The following ZNF276 variants were observed in gnomAD, a reference collection of about 807,000 sequenced individuals.
ZNF276 encodes zinc finger protein 276, also known as centromere protein Z.
Under a neutral mutation model 63.9 loss-of-function variants are expected in ZNF276, and 59 were observed. That is an observed-to-expected ratio of 0.92 (90% confidence interval 0.75 to 1.15). The LOEUF is 1.15. Ranked by LOEUF, ZNF276 falls within the 50% of genes most tolerant of loss-of-function variation. The pLI is 0.00. For missense variants in ZNF276, 1,084 were observed against 843.8 expected (o/e 1.28, Z -3.53); for synonymous variants, 496 against 348.4 (o/e 1.42, Z -4.72).
rs986346689 is a variant in ZNF276 at position 89,733,958 on chromosome 16, G to A, written c.1394G>A (p.Arg465Gln). 8.1e-6 allele frequency: 13 copies of A among 1,613,872 alleles called. No individual in the cohort carries two copies. Among genetic ancestry groups the A allele is most frequent in the East Asian group, 4.5e-5 (2 of 44,884 alleles). ...IKEHHEEVRE[R>Q]PCPHPGCNKV... ...GAGCACCACGAGGAGGTCCGGGAGC[G>A]GCCCTGCCCCCACCCTGGCTGCAAC... Residue 465 changes from arginine (R) to glutamine (Q), a missense_variant, in exon 9 of 11, where the codon CGG becomes CAG. By Grantham distance (43) the Arg-to-Gln change is conservative. Transcript: ENST00000443381.
At chr16:89,725,414 C>T (rs1032471347) in intron 4 of ZNF276, among the ~76,000 whole-genome samples, 3 of 152,152 alleles carry the variant, frequency 2.0e-5, no homozygotes, top group East Asian at 1.9e-4. Context: ...AACTCCTGAC[C>T]TCGTGATCCA....
At chr16:89,734,646 A>C (rs913378530) in intron 9 of ZNF276, among the ~76,000 whole-genome samples, 1 of 152,160 alleles carries the variant, frequency 6.6e-6, no homozygotes, top group African/African-American at 2.4e-5. Context: ...AAGGCAAGGC[A>C]GAAGGCATGA....
chr16:89,738,288 G>A lies in ZNF276; in HGVS notation c.*42G>A, dbSNP rs748269284. On this transcript the variant is annotated 3_prime_UTR_variant, in exon 11 of 11. Coordinates refer to ENST00000443381, the MANE Select transcript of ZNF276 (RefSeq NM_001113525.2). Reference sequence around the variant, plus strand: ...GAGCACCTCTAGCAGCCTGGACTCCGCAGTGGCTGTGTCAGCCTCACCCTT... The same window carrying A: ...GAGCACCTCTAGCAGCCTGGACTCCACAGTGGCTGTGTCAGCCTCACCCTT... 62 of 1,548,436 alleles carry A rather than the reference G, an allele frequency of 4.0e-5. No individual in the cohort carries two copies. Among genetic ancestry groups the A allele is most frequent in the Non-Finnish European group, 5.1e-5 (58 of 1,148,310 alleles).
chr16:89,722,210 G>A (rs1000230947), intron 1 of ZNF276, among the ~76,000 whole-genome samples: 46 of 152,216 alleles, frequency 3.0e-4, no homozygotes, highest in Non-Finnish European at 8.8e-5. Context: ...ACAGGAAACC[G>A]CGGCGTTTCC....
At position 89,723,492 on chromosome 16, in the gene ZNF276, G is replaced by A. The variant is rs754565817; in HGVS notation, c.789G>A (p.Trp263Ter). ...LDSALAVKWPWDKETAPRLPQ... is the reference protein window; with the variant it reads ...LDSALAVKWP ...GTGCGCTGGCAGTCAAGTGGCCATG[G>A]GACAAAGAGACGGCGCCACGGCTGC... The change falls in exon 4 of 11, where the codon TGG becomes TGA. Residue 263 changes from tryptophan (W) to a stop codon, truncating the protein, a stop_gained. Transcript: ENST00000443381. LOFTEE classifies it high-confidence loss of function. 1 of 1,612,974 alleles carries A rather than the reference G, an allele frequency of 6.2e-7. No individual in the cohort carries two copies. Among genetic ancestry groups the A allele is most frequent in the East Asian group, 2.2e-5 (1 of 44,878 alleles).
rs1392135704 is a variant in ZNF276 at position 89,739,557 on chromosome 16, C to T, written c.*1311C>T. The T allele has an allele frequency of 6.4e-6, 10 of 1,551,154 alleles. No homozygotes were observed. The South Asian group carries it at 7.1e-5, about 11-fold the overall frequency. On this transcript the variant is annotated 3_prime_UTR_variant, in exon 11 of 11. Coordinates refer to ENST00000443381, the MANE Select transcript of ZNF276 (RefSeq NM_001113525.2). ...AGGAGCCGCCCCAGCCTGAGGTCTG[C>T]AACACCAAGAAGTGGCTCAGGCAAC...
At chr16:89,727,088 C>T (rs1015688537) in intron 4 of ZNF276, among the ~76,000 whole-genome samples, 191 bp from the exon 5 acceptor site, 20 of 152,138 alleles carry the variant, frequency 1.3e-4, no homozygotes, top group African/African-American at 4.1e-4. Flanking sequence ...TGCTTCTGGA[C>T]GTTGGGCTGG....
chr16:89,733,841 C>T (rs555979542), intron 8 of ZNF276, 80 bp from the exon 9 acceptor site: 3 of 1,366,324 alleles, frequency 2.2e-6, no homozygotes, highest in Non-Finnish European at 2.1e-6. Flanking sequence ...TTCCAGGGGC[C>T]TCAGCTGTCA....
At position 89,738,852 on chromosome 16, in the gene ZNF276, C is replaced by T. The variant is rs747975371; in HGVS notation, c.*606C>T. The T allele has an allele frequency of 3.2e-5, 51 of 1,614,110 alleles. 1 individual carries two copies. The highest frequency in any genetic ancestry group is 1.5e-4 in the South Asian group (14 of 91,096). On this transcript the variant is annotated 3_prime_UTR_variant, in exon 11 of 11. Coordinates refer to ENST00000443381, the MANE Select transcript of ZNF276 (RefSeq NM_001113525.2). ...CAGCTGTCAATTCTCATGTCCCCCA[C>T]ATGGCCCAAGGTGGGCATCTTGACG...
At chr16:89,723,820 G>A in intron 4 of ZNF276, 111 bp downstream of exon 4, 3 of 1,194,456 alleles carry the variant, frequency 2.5e-6, no homozygotes, top group Non-Finnish European at 3.4e-6. Context: ...CTGGGGTGTG[G>A]TGTGAGAAGG....
At chr16:89,722,934 T>G in intron 2 of ZNF276, 100 bp downstream of exon 2, 1 of 1,554,340 alleles carries the variant, frequency 6.4e-7, no homozygotes. Context: ...AGCCTCTGGG[T>G]GGGGGGAATG....
chr16:89,724,876 C>G (rs147921746), intron 4 of ZNF276, among the ~76,000 whole-genome samples: 3 of 152,200 alleles, frequency 2.0e-5, no homozygotes, highest in African/African-American at 4.8e-5. Flanking sequence ...ATCTACCTAC[C>G]TATCTGTATA....
intron 4 of ZNF276, among the ~76,000 whole-genome samples, chr16:89,725,852 G>A (rs2061453249): frequency 6.6e-6 from 1 of 152,182 alleles, no homozygotes; most frequent in African/African-American, 2.4e-5. Flanking sequence ...TCACTCTTTT[G>A]CCCAGGCTGG....
chr16:89,724,253 G>A (rs112786474), intron 4 of ZNF276, among the ~76,000 whole-genome samples: 7 of 152,356 alleles, frequency 4.6e-5, no homozygotes, highest in Admixed American at 2.0e-4. Context: ...GCTGCTCCTG[G>A]ATGTTGTTTT....
Position 89,739,188 on chromosome 16 carries a change from C to G in ZNF276, c.*942C>G, listed in dbSNP as rs1184324290. The stretch of plus-strand genomic sequence containing the variant: ...TGGAGGTGAAACTGTGCTTGTATCC[C>G]CAGCCACGAAGAGCTGGACCAGCTT... On this transcript the variant is annotated 3_prime_UTR_variant, in exon 11 of 11. Transcript: ENST00000443381. 6.2e-7 allele frequency: 1 copy of G among 1,614,150 alleles called. No homozygotes were observed. The highest frequency in any genetic ancestry group is 1.3e-5 in the African/African-American group (1 of 75,054).
chr16:89,737,539 G>C, intron 9 of ZNF276: 1 of 467,404 alleles, frequency 2.1e-6, no homozygotes, highest in Non-Finnish European at 3.6e-6. Flanking sequence ...AAAAAGACAA[G>C]AATCTGTGGT....
chr16:89,732,668 C>A, intron 6 of ZNF276: 1 of 230,572 alleles, frequency 4.3e-6, no homozygotes, highest in Non-Finnish European at 8.8e-6. Flanking sequence ...TACCCTGCGT[C>A]CTCGCCCTCT....
In ZNF276 at chr16:89,738,449, G is replaced by A; in HGVS notation, c.*203G>A. ...TTTCCCGCAAACGCTGAGTGACTCG[G>A]GGCCGGACAGTTCATAAATAATTGA... On this transcript the variant is annotated 3_prime_UTR_variant, in exon 11 of 11. Transcript: ENST00000443381. The A allele has an allele frequency of 2.1e-6, 3 of 1,397,968 alleles. No individual in the cohort carries two copies. Among genetic ancestry groups the A allele is most frequent in the Non-Finnish European group, 2.9e-6 (3 of 1,018,764 alleles). 86.6% of individuals were successfully genotyped at this position (1,397,968 alleles called of 1,614,324 possible). A position where few individuals can be genotyped will look rare whatever the true frequency, so the allele number is the denominator to read the frequency against.
chr16:89,725,512 C>A (rs1051873765), intron 4 of ZNF276, among the ~76,000 whole-genome samples: 2 of 147,656 alleles, frequency 1.4e-5, no homozygotes, highest in Non-Finnish European at 3.0e-5. Context: ...TTATTTTAGG[C>A]CAAGTGCAGT....
Sources: allele counts gnomAD v4.1 joint callset (sites outside exome capture counted in the v4.1 genomes callset), GRCh38; gene constraint gnomAD v4.1.1; transcripts MANE v1.5; gene names NCBI Gene and HGNC (gene_info 2026-07-23, HGNC 2026-07-21).